Variants in VPS35L observed in about 807,000 individuals in gnomAD.
VPS35L encodes the protein VPS35 endosomal protein sorting factor like.
In VPS35L, 83 loss-of-function variants were observed where a neutral mutation model predicts 133.0. The observed-to-expected ratio is 0.62, with a 90% CI of 0.52 to 0.75. VPS35L has a LOEUF of 0.75. Among genes scored for constraint, VPS35L ranks in the 30% least tolerant of loss-of-function variants. VPS35L has a pLI of 0.00. For missense variants in VPS35L, 1,083 were observed against 1,206.8 expected, an observed-to-expected ratio of 0.90 and a Z score of 1.52; for synonymous variants, 423 against 449.9, an observed-to-expected ratio of 0.94 and a Z score of 0.76.
At chr16:19,561,108 G>A (rs1160202474) in intron 1 of VPS35L, among the ~76,000 whole-genome samples, 2 of 152,000 alleles carry the variant, frequency 1.3e-5, no homozygotes, top group African/African-American at 4.8e-5. Flanking sequence ...AGTGGCTCAC[G>A]CCTGTAATCC....
intron 25 of VPS35L, 111 bp downstream of exon 25, chr16:19,650,570 G>GTA: frequency 1.2e-6 from 1 of 851,866 alleles, no homozygotes; most frequent in Non-Finnish European, 1.9e-6. Context: ...TGATAAGAAT[G>GTA]GTTTAGTATT....
chr16:19,655,569 A>G (rs866433357), intron 26 of VPS35L, among the ~76,000 whole-genome samples: 2 of 152,158 alleles, frequency 1.3e-5, no homozygotes, highest in African/African-American at 4.8e-5. Context: ...CCATCCCGAC[A>G]AGTAAACTCC....
chr16:19,568,275 C>G (rs1277780910), intron 2 of VPS35L, among the ~76,000 whole-genome samples: 1 of 151,880 alleles, frequency 6.6e-6, no homozygotes, highest in Non-Finnish European at 1.5e-5. Flanking sequence ...TTCTTGTTCA[C>G]CTACCTGGAA....
At chr16:19,686,229 G>A (rs1366045238) in intron 28 of VPS35L, among the ~76,000 whole-genome samples, 1 of 152,172 alleles carries the variant, frequency 6.6e-6, no homozygotes, top group Admixed American at 6.6e-5. Context: ...TTCTAGGGAG[G>A]CTTTTAGACG....
intron 7 of VPS35L, among the ~76,000 whole-genome samples, chr16:19,582,941 G>T (rs1971753907): frequency 6.6e-6 from 1 of 152,170 alleles, no homozygotes; most frequent in Non-Finnish European, 1.5e-5. Context: ...GCTGAGGCGG[G>T]TGGATCACTT....
rs551066852 is a variant in VPS35L at position 19,562,816 on chromosome 16, G to A, written c.18-2035G>A. ...GTTGCCCAGGCTGGAGTGCAGTGGTGCGATTATAGCTCACTGCAGTTTTGA... is the reference window on the plus strand; with the variant it reads ...GTTGCCCAGGCTGGAGTGCAGTGGTACGATTATAGCTCACTGCAGTTTTGA... On this transcript the variant is annotated intron_variant, in intron 1 of 30. Coordinates refer to ENST00000417362, the MANE Select transcript of VPS35L (RefSeq NM_020314.7). Among the ~76,000 whole-genome samples the A allele has an allele frequency of 6.6e-5, 10 of 152,040 alleles. No individual in the cohort carries two copies. The East Asian group carries it at 1.6e-3, about 24-fold the overall frequency.
chr16:19,607,607 G>T (rs1972573570), intron 9 of VPS35L, among the ~76,000 whole-genome samples: 1 of 152,178 alleles, frequency 6.6e-6, no homozygotes, highest in African/African-American at 2.4e-5. Flanking sequence ...ATTCTGGCTG[G>T]TTTCTCACCT....
chr16:19,566,756 T>G (rs1431410978), intron 2 of VPS35L, among the ~76,000 whole-genome samples: 2 of 152,032 alleles, frequency 1.3e-5, no homozygotes, highest in East Asian at 3.9e-4. Flanking sequence ...CCCCCCCTTT[T>G]TTTTCTTTTT....
At chr16:19,627,915 CGAAGG>C in intron 16 of VPS35L, 110 bp downstream of exon 16, 1 of 838,482 alleles carries the variant, frequency 1.2e-6, no homozygotes, top group Non-Finnish European at 2.0e-6. Context: ...GGAACACAGG[CGAAGG>C]CTCTGTTTCT....
At chr16:19,602,721 C>A (rs764942616) in intron 9 of VPS35L, among the ~76,000 whole-genome samples, 13 of 151,946 alleles carry the variant, frequency 8.6e-5, no homozygotes, top group Non-Finnish European at 1.3e-4. Flanking sequence ...TCCTGCTTCA[C>A]CCTCCTCAGT....
chr16:19,691,563 C>A, intron 29 of VPS35L, 92 bp downstream of exon 29: 1 of 963,170 alleles, frequency 1.0e-6, no homozygotes, highest in Non-Finnish European at 1.6e-6. Flanking sequence ...AGAAAGGAAA[C>A]TATGTCATGT....
chr16:19,625,280 C>T (rs887927183), intron 14 of VPS35L, among the ~76,000 whole-genome samples: 10 of 152,082 alleles, frequency 6.6e-5, no homozygotes, highest in African/African-American at 2.4e-4. Flanking sequence ...AGAATAGAGC[C>T]CCTGCTTCAA....
At chr16:19,557,956 TGGGAGAATCGCTTGATCCC>T (rs1286246946) in intron 1 of VPS35L, among the ~76,000 whole-genome samples, 1 of 151,868 alleles carries the variant, frequency 6.6e-6, no homozygotes, top group Admixed American at 6.6e-5. Context: ...GAGGCTGAAG[TGGGAGAATCGCTTGATCCC>T]GGGAGAATCA....
intron 4 of VPS35L, among the ~76,000 whole-genome samples, chr16:19,573,625 C>T (rs1971448647): frequency 6.6e-6 from 1 of 152,040 alleles, no homozygotes; most frequent in African/African-American, 2.4e-5. Context: ...TCGAGACCAG[C>T]CTGGCCAACA....
intron 8 of VPS35L, among the ~76,000 whole-genome samples, chr16:19,599,290 A>G (rs182738): frequency 0.67 from 101,825 of 151,984 alleles, 35,474 homozygotes; most frequent in African/African-American, 0.86. Context: ...GAGGATGGAC[A>G]CAGACATCCA....
At position 19,699,790 on chromosome 16, in the gene VPS35L, AC is replaced by A; in HGVS notation, c.2793+143del. On this transcript the variant is annotated intron_variant, in intron 30 of 30. Transcript: ENST00000417362. The surrounding 1 kb of genome is among the most constrained non-coding windows in gnomAD (Gnocchi z 4.2). ...GCACTTGGTCCATTTCTACTGGATCACTTCCTAGCAGTAAAAAGCAGAGCTG... is the reference window on the plus strand; with the variant it reads ...GCACTTGGTCCATTTCTACTGGATCATTCCTAGCAGTAAAAAGCAGAGCTG... The A allele has an allele frequency of 8.8e-7, 1 of 1,135,076 alleles. No homozygotes were observed. Among genetic ancestry groups the A allele is most frequent in the East Asian group, 2.6e-5 (1 of 38,836 alleles). 70.3% of individuals were successfully genotyped at this position (1,135,076 alleles called of 1,614,324 possible). A position where few individuals can be genotyped will look rare whatever the true frequency, so the allele number is the denominator to read the frequency against.
At chr16:19,652,289 G>A (rs1017620075) in intron 26 of VPS35L, 199 bp downstream of exon 26, 2 of 532,454 alleles carry the variant, frequency 3.8e-6, no homozygotes, top group African/African-American at 3.8e-5. Flanking sequence ...CAGTCCTCCT[G>A]AGTAGCTGGG....
intron 3 of VPS35L, among the ~76,000 whole-genome samples, chr16:19,571,261 G>A (rs1971375875): frequency 6.6e-6 from 1 of 152,038 alleles, no homozygotes; most frequent in Non-Finnish European, 1.5e-5. Flanking sequence ...CTTTTGCCTA[G>A]GCTGGACTGC....
chr16:19,603,005 T>C (rs2151539882), intron 9 of VPS35L, among the ~76,000 whole-genome samples: 1 of 152,126 alleles, frequency 6.6e-6, no homozygotes, highest in African/African-American at 2.4e-5. Context: ...GCCCAAGCAG[T>C]CCTCCCACCT....
Sources: gnomAD v4.1 joint callset for allele counts (sites outside exome capture counted in the v4.1 genomes callset) on GRCh38, gnomAD v4.1.1 for gene constraint, Gnocchi (gnomAD v3.1) non-coding constraint, MANE v1.5 for transcripts, NCBI Gene and HGNC (gene_info 2026-07-23, HGNC 2026-07-21) for gene names.